Variants in FLRT3 observed in about 807,000 individuals in gnomAD.
FLRT3 encodes leucine-rich repeat transmembrane protein FLRT3.
In FLRT3, 17 loss-of-function variants were observed where a neutral mutation model predicts 42.6. The observed-to-expected ratio is 0.40, with a 90% confidence interval of 0.27 to 0.60. FLRT3 has a LOEUF of 0.60. Among genes scored for constraint, FLRT3 ranks in the 20% least tolerant of loss-of-function variants. FLRT3 has a pLI of 0.44. For missense variants in FLRT3, 635 were observed against 789.2 expected (o/e 0.80, Z 2.34); for synonymous variants, 279 against 286.4 (o/e 0.97, Z 0.26).
chr20:14,331,526 A>C (rs2082839787), intron 1 of FLRT3, among the ~76,000 whole-genome samples: 1 of 152,130 alleles, frequency 6.6e-6, no homozygotes, highest in Admixed American at 6.6e-5. Flanking sequence ...ATTAAAATAA[A>C]AGGCAAAAAC....
intron 1 of FLRT3, 121 bp downstream of exon 1, chr20:14,337,283 G>GT (rs2082955843): frequency 1.9e-5 from 5 of 264,254 alleles, no homozygotes; most frequent in Non-Finnish European, 3.5e-5. Context: ...ATTGCTTGTT[G>GT]TGGTGACAGA....
Position 14,324,749 on chromosome 20 carries a change from C to T in FLRT3, c.*808G>A, listed in dbSNP as rs1026304862. 5 of 152,216 alleles carry T rather than the reference C, an allele frequency of 3.3e-5. No homozygotes were observed. The highest frequency in any genetic ancestry group is 1.2e-4 in the African/African-American group (5 of 41,558). The allele number at this position is 152,216 out of a possible 1,614,324, so 9.4% of individuals were successfully genotyped here. On this transcript the variant is annotated 3_prime_UTR_variant, in exon 3 of 3. Transcript: ENST00000341420. ...AGTTTTGGTATTTGTGTTCATTACACTATACAAGTCTAAGTTTCCATGTTT... is the reference window on the plus strand; with the variant it reads ...AGTTTTGGTATTTGTGTTCATTACATTATACAAGTCTAAGTTTCCATGTTT...
chr20:14,331,337 C>T (rs139560933), intron 1 of FLRT3, among the ~76,000 whole-genome samples: 101 of 152,100 alleles, frequency 6.6e-4, no homozygotes, highest in Admixed American at 4.1e-3. Context: ...TGTGAAAAGA[C>T]GGAAGATTAA....
chr20:14,329,618 T>C (rs1392919958), intron 1 of FLRT3, among the ~76,000 whole-genome samples: 1 of 152,088 alleles, frequency 6.6e-6, no homozygotes. Context: ...AAAATTTACT[T>C]TTAAATCATA....
Position 14,326,277 on chromosome 20 carries a change from T to A in FLRT3, c.1230A>T (p.Thr410=). 6.2e-7 allele frequency: 1 copy of A among 1,613,910 alleles called. No individual in the cohort carries two copies. Among genetic ancestry groups the A allele is most frequent in the East Asian group, 2.2e-5 (1 of 44,856 alleles). The change falls in exon 3 of 3, where the codon ACA becomes ACT. Residue 410 remains threonine, a synonymous_variant. Coordinates refer to ENST00000341420, the MANE Select transcript of FLRT3 (RefSeq NM_198391.3). The surrounding 1 kb of genome is among the most constrained non-coding windows in gnomAD (Gnocchi z 5.5). ...HQTTGSPSRK[T]ITITVKSVTS... ...TGACAGACTTCACAGTAATTGTAATTGTTTTTCTTGAGGGACTCCCTGTGG... is the reference window on the plus strand; with the variant it reads ...TGACAGACTTCACAGTAATTGTAATAGTTTTTCTTGAGGGACTCCCTGTGG...
At chr20:14,332,779 A>G (rs1300264971) in intron 1 of FLRT3, among the ~76,000 whole-genome samples, 1 of 152,138 alleles carries the variant, frequency 6.6e-6, no homozygotes, top group African/African-American at 2.4e-5. Context: ...AATGTATCCA[A>G]CTTTGTGAAT....
rs774110506 is a variant in FLRT3, at chr20:14,326,721, C to A, written c.786G>T (p.Val262=). 6.2e-7 allele frequency: 1 copy of A among 1,613,720 alleles called. No individual in the cohort carries two copies. The highest frequency in any genetic ancestry group is 8.5e-7 in the Non-Finnish European group (1 of 1,179,798). ...LYLQDNHINR[V]PPNAFSYLRQ... is the part of the protein sequence containing the mutation. ...TTAGATAAGAAAAAGCATTTGGGGG[C>A]ACCCGATTGATGTGGTTATCTTGAA... Residue 262 remains valine, a synonymous_variant, in exon 3 of 3, where the codon GTG becomes GTT. Transcript: ENST00000341420. The surrounding 1 kb of genome is among the most constrained non-coding windows in gnomAD (Gnocchi z 5.5).
chr20:14,330,518 T>G (rs1293717492), intron 1 of FLRT3, among the ~76,000 whole-genome samples: 1 of 152,106 alleles, frequency 6.6e-6, no homozygotes, highest in Non-Finnish European at 1.5e-5. Context: ...AGGCCACAAT[T>G]TGTGTTTCTG....
intron 1 of FLRT3, 98 bp from the exon 2 acceptor site, chr20:14,329,425 A>C (rs1422527609): frequency 6.6e-6 from 1 of 152,132 alleles, no homozygotes; most frequent in Non-Finnish European, 1.5e-5. Flanking sequence ...AAAATAACAC[A>C]TCTTTCATCA....
At chr20:14,328,699 G>A (rs766503644) in intron 2 of FLRT3, among the ~76,000 whole-genome samples, 5 of 152,018 alleles carry the variant, frequency 3.3e-5, no homozygotes, top group Admixed American at 2.0e-4. Context: ...GTTCTTCACC[G>A]TTTATTCAAG....
At position 14,327,015 on chromosome 20, in the gene FLRT3, A is replaced by G. The variant is rs1393154786; in HGVS notation, c.492T>C (p.Asn164=). Residue 164 remains asparagine, a synonymous_variant, in exon 3 of 3, where the codon AAT becomes AAC. Coordinates refer to ENST00000341420, the MANE Select transcript of FLRT3 (RefSeq NM_198391.3). ...AACCCCAGGGAATTGTGCTAAGGTG[A>G]TTACGGGACAGGAAAAGCAGTCGGA... ...NYLRLLFLSR[N]HLSTIPWGLP... is the part of the protein sequence containing the mutation. 2 of 1,613,608 alleles carry G rather than the reference A, an allele frequency of 1.2e-6. No individual in the cohort carries two copies. Among genetic ancestry groups the G allele is most frequent in the African/African-American group, 2.7e-5 (2 of 74,898 alleles).
At chr20:14,337,224 A>G (rs2082954531) in intron 1 of FLRT3, among the ~76,000 whole-genome samples, 180 bp downstream of exon 1, 1 of 152,236 alleles carries the variant, frequency 6.6e-6, no homozygotes, top group African/African-American at 2.4e-5. Flanking sequence ...AACTTCTTAC[A>G]TTCAGCCATG....
Position 14,326,505 on chromosome 20 carries a change from G to A in FLRT3, c.1002C>T (p.Cys334=). ...PVKVNVRGLM[C]QAPEKVRGMA... ...TCCCACGAACCTTTTCTGGGGCTTG[G>A]CACATGAGCCCACGCACGTTGACCT... Residue 334 remains cysteine (C), a synonymous_variant, in exon 3 of 3, where the codon TGC becomes TGT. Transcript: ENST00000341420. The surrounding 1 kb of genome is among the most constrained non-coding windows in gnomAD (Gnocchi z 5.5). 1 of 1,613,818 alleles carries A rather than the reference G, an allele frequency of 6.2e-7. No individual in the cohort carries two copies. Among genetic ancestry groups the A allele is most frequent in the East Asian group, 2.2e-5 (1 of 44,854 alleles).
At chr20:14,336,304 A>G (rs2082935278) in intron 1 of FLRT3, among the ~76,000 whole-genome samples, 1 of 151,656 alleles carries the variant, frequency 6.6e-6, no homozygotes, top group Non-Finnish European at 1.5e-5. Flanking sequence ...ACCATTAGAG[A>G]TTTTGGACTA....
At chr20:14,336,972 T>C (rs553860136) in intron 1 of FLRT3, among the ~76,000 whole-genome samples, 3 of 152,328 alleles carry the variant, frequency 2.0e-5, no homozygotes, top group African/African-American at 7.2e-5. Context: ...TACTGCGTAC[T>C]CATGGGCTGA....
In FLRT3 at chr20:14,326,935, G is replaced by A; in HGVS notation, c.572C>T (p.Ser191Leu). 8 of 1,613,798 alleles carry A rather than the reference G, an allele frequency of 5.0e-6. No homozygotes were observed. The highest frequency in any genetic ancestry group is 5.9e-6 in the Non-Finnish European group (7 of 1,179,802). Residue 191 changes from serine (S) to leucine (L), a missense_variant, in exon 3 of 3, where the codon TCA becomes TTA. Coordinates refer to ENST00000341420, the MANE Select transcript of FLRT3 (RefSeq NM_198391.3). This position sits in a 1 kb window ranked among gnomAD's most constrained non-coding sequence, Gnocchi z 5.5. ...AGTGAGACCTTGAAGAGATGGTGAT[G>A]AAATAGTGGATATGCGATTATCATC... Reference protein sequence around the residue: ...RLDDNRISTISSPSLQGLTSL... With the variant: ...RLDDNRISTILSPSLQGLTSL...
intron 1 of FLRT3, among the ~76,000 whole-genome samples, chr20:14,333,510 A>G (rs528321915): frequency 6.8e-4 from 103 of 152,278 alleles, no homozygotes; most frequent in African/African-American, 2.3e-3. Context: ...GGTGAAGGTA[A>G]GTGGTGCAGA....
chr20:14,325,603 C>G lies in FLRT3; in HGVS notation c.1904G>C (p.Ser635Thr). ...GTCTGGAATACCACTGTCTCTGTAG[C>G]TTCGGTTACTACTGCTTTCACTGTG... is the stretch of plus-strand genomic sequence containing the variant. ...NNHSESSSNRSYRDSGIPDSD... is the reference protein window; with the variant it reads ...NNHSESSSNRTYRDSGIPDSD... Residue 635 changes from serine to threonine, a missense_variant, in exon 3 of 3, where the codon AGC becomes ACC. Physicochemically the swap from Ser to Thr is moderately conservative, Grantham distance 58. Coordinates refer to ENST00000341420, the MANE Select transcript of FLRT3 (RefSeq NM_198391.3). The G allele has an allele frequency of 6.2e-7, 1 of 1,613,308 alleles. No individual in the cohort carries two copies. The highest frequency in any genetic ancestry group is 1.1e-5 in the South Asian group (1 of 91,018).
At chr20:14,330,720 G>A (rs1349556501) in intron 1 of FLRT3, among the ~76,000 whole-genome samples, 1 of 152,032 alleles carries the variant, frequency 6.6e-6, no homozygotes. Context: ...TGCCCACAGA[G>A]GAAAGTTTAA....
Sources: allele counts gnomAD v4.1 joint callset (sites outside exome capture counted in the v4.1 genomes callset), GRCh38; gene constraint gnomAD v4.1.1; non-coding constraint Gnocchi (gnomAD v3.1); transcripts MANE v1.5; gene names NCBI Gene and HGNC (gene_info 2026-07-23, HGNC 2026-07-21).